The following IRAK1BP1 variants were observed in gnomAD, a reference collection of about 807,000 sequenced individuals.
IRAK1BP1 encodes interleukin-1 receptor-associated kinase 1-binding protein 1.
In IRAK1BP1, 24 loss-of-function variants were observed where a neutral mutation model predicts 28.0. The observed-to-expected ratio is 0.86, with a 90% CI of 0.62 to 1.20. The LOEUF is 1.20. Among genes scored for constraint, IRAK1BP1 ranks in the 50% most tolerant of loss-of-function variants. The pLI is 0.00. For missense variants in IRAK1BP1, 336 were observed against 316.7 expected (o/e 1.06, Z -0.46); for synonymous variants, 131 against 116.3 (o/e 1.13, Z -0.81).
chr6:78,887,827 A>T (rs1771485167), intron 2 of IRAK1BP1, among the ~76,000 whole-genome samples: 1 of 152,188 alleles, frequency 6.6e-6, no homozygotes, highest in South Asian at 2.1e-4. Flanking sequence ...TAGAACTACG[A>T]TATGACCCAG....
rs1360918578 is a variant in IRAK1BP1, at chr6:78,946,173, C to T, written c.*833C>T. ...TTATCTGAGCAGCATTGTGTCTTGGCGGTATTGATCGTGTAGGTGTAGAGA... is the reference window on the plus strand; with the variant it reads ...TTATCTGAGCAGCATTGTGTCTTGGTGGTATTGATCGTGTAGGTGTAGAGA... On this transcript the variant is annotated 3_prime_UTR_variant and NMD_transcript_variant, in exon 5 of 5. Coordinates refer to the IRAK1BP1 transcript ENST00000606868. 7.4e-6 allele frequency: 12 copies of T among 1,613,656 alleles called. No individual in the cohort carries two copies. Among genetic ancestry groups the T allele is most frequent in the Admixed American group, 3.3e-5 (2 of 59,978 alleles).
chr6:78,973,024 G>A, the IRAK1BP1 span, among the ~76,000 whole-genome samples: 1 of 152,062 alleles, frequency 6.6e-6, no homozygotes, highest in Non-Finnish European at 1.5e-5. Context: ...GAAATACAGA[G>A]AACGCCATAA....
intron 4 of IRAK1BP1, among the ~76,000 whole-genome samples, chr6:78,912,214 G>A (rs1772446112): frequency 1.3e-5 from 2 of 151,954 alleles, no homozygotes; most frequent in Non-Finnish European, 2.9e-5. Context: ...TAAGAGATTC[G>A]TTTTTACATC....
chr6:78,885,976 C>T (rs1172929887), intron 2 of IRAK1BP1, among the ~76,000 whole-genome samples: 2 of 152,070 alleles, frequency 1.3e-5, no homozygotes, highest in African/African-American at 4.8e-5. Context: ...ATTTAATGGC[C>T]AGGATTTTGT....
At chr6:78,943,194 G>A (rs538310056) in intron 4 of IRAK1BP1, among the ~76,000 whole-genome samples, 1 of 152,094 alleles carries the variant, frequency 6.6e-6, no homozygotes, top group African/African-American at 2.4e-5. Context: ...TATATGGCTT[G>A]TATTATATTC....
chr6:78,871,918 A>C, intron 1 of IRAK1BP1: 1 of 518,640 alleles, frequency 1.9e-6, no homozygotes, highest in South Asian at 3.0e-5. Flanking sequence ...TCCATCTGAC[A>C]ACATTTGTAA....
chr6:78,942,309 C>T (rs528111301), intron 4 of IRAK1BP1, among the ~76,000 whole-genome samples: 23 of 152,202 alleles, frequency 1.5e-4, no homozygotes, highest in African/African-American at 4.8e-4. Flanking sequence ...ATGGCGAAAC[C>T]CCGTCTCTAC....
intron 2 of IRAK1BP1, among the ~76,000 whole-genome samples, chr6:78,891,180 A>G (rs959829320): frequency 2.0e-5 from 3 of 152,248 alleles, no homozygotes; most frequent in African/African-American, 7.2e-5. Context: ...GCAAACAAAT[A>G]AAAATGAACT....
At chr6:78,881,813 TA>T (rs1771239522) in intron 1 of IRAK1BP1, among the ~76,000 whole-genome samples, 1 of 152,018 alleles carries the variant, frequency 6.6e-6, no homozygotes, top group South Asian at 2.1e-4. Context: ...AACAAATAAA[TA>T]AGTGGATAGT....
At chr6:78,929,722 A>G (rs142194679) in intron 4 of IRAK1BP1, among the ~76,000 whole-genome samples, 59 of 152,272 alleles carry the variant, frequency 3.9e-4, no homozygotes, top group African/African-American at 1.4e-3. Flanking sequence ...TTTTTCCTGT[A>G]TAAGTGTGGA....
intron 1 of IRAK1BP1, among the ~76,000 whole-genome samples, chr6:78,876,321 G>T (rs541408342): frequency 6.6e-6 from 1 of 152,158 alleles, no homozygotes; most frequent in Non-Finnish European, 1.5e-5. Flanking sequence ...GGAACTGAGA[G>T]TCAAACCTCA....
chr6:78,954,251 G>A, the IRAK1BP1 span, among the ~76,000 whole-genome samples: 2 of 147,366 alleles, frequency 1.4e-5, no homozygotes, highest in African/African-American at 2.5e-5. Context: ...ACAGGCACCC[G>A]CCCACACGCC....
chr6:78,978,419 A>G, the IRAK1BP1 span, among the ~76,000 whole-genome samples: 4 of 152,084 alleles, frequency 2.6e-5, no homozygotes, highest in African/African-American at 9.7e-5. Flanking sequence ...AGCTTCAAAG[A>G]AGATTATTAG....
intron 4 of IRAK1BP1, among the ~76,000 whole-genome samples, chr6:78,931,301 A>G (rs1315690442): frequency 6.6e-6 from 1 of 151,936 alleles, no homozygotes; most frequent in African/African-American, 2.4e-5. Flanking sequence ...AGTCGAAGCT[A>G]CTCATGAGGC....
intron 2 of IRAK1BP1, among the ~76,000 whole-genome samples, chr6:78,891,587 G>A (rs1337499097): frequency 6.6e-6 from 1 of 151,852 alleles, no homozygotes; most frequent in Non-Finnish European, 1.5e-5. Context: ...TCAGCCTCCT[G>A]AGTAGCTGGG....
intron 1 of IRAK1BP1, among the ~76,000 whole-genome samples, chr6:78,882,588 A>T (rs570564855): frequency 4.4e-4 from 67 of 152,196 alleles, no homozygotes; most frequent in Non-Finnish European, 3.1e-4. Context: ...TAATCATGAG[A>T]AAACATCAAT....
chr6:78,911,083 G>C (rs1045796710), intron 4 of IRAK1BP1, among the ~76,000 whole-genome samples: 1 of 152,068 alleles, frequency 6.6e-6, no homozygotes, highest in South Asian at 2.1e-4. Flanking sequence ...TGCAGCCTCC[G>C]CCTTCCTTCT....
downstream of IRAK1BP1, among the ~76,000 whole-genome samples, chr6:78,903,856 A>G (rs1396361137): frequency 6.6e-6 from 1 of 152,154 alleles, no homozygotes; most frequent in Admixed American, 6.5e-5. Flanking sequence ...TAAAATACAG[A>G]CATATAGTTT....
the IRAK1BP1 span, among the ~76,000 whole-genome samples, chr6:78,960,379 C>T: frequency 6.6e-6 from 1 of 151,830 alleles, no homozygotes; most frequent in Non-Finnish European, 1.5e-5. Flanking sequence ...ATCTCTGAAG[C>T]ACTAGGTTTA....
Sources: gnomAD v4.1 joint callset for allele counts (sites outside exome capture counted in the v4.1 genomes callset) on GRCh38, gnomAD v4.1.1 for gene constraint, MANE v1.5 for transcripts, NCBI Gene and HGNC (gene_info 2026-07-23, HGNC 2026-07-21) for gene names.